PPP1R1C: variants seen among roughly 807,000 people sequenced by gnomAD.
PPP1R1C encodes protein phosphatase 1 regulatory subunit 1C.
In PPP1R1C, 15 loss-of-function variants were observed where a neutral mutation model predicts 17.4. That is an observed-to-expected ratio of 0.86 (90% CI 0.58 to 1.33). The LOEUF (loss-of-function observed/expected upper bound fraction) is 1.33. Among genes scored for constraint, PPP1R1C ranks in the 40% most tolerant of loss-of-function variants. PPP1R1C has a pLI of 0.00. For missense variants in PPP1R1C, 143 were observed against 130.0 expected (o/e 1.10, Z -0.48); for synonymous variants, 35 against 43.1 (o/e 0.81, Z 0.73).
intron 1 of PPP1R1C, among the ~76,000 whole-genome samples, chr2:181,959,909 A>G (rs562052735): frequency 4.6e-5 from 7 of 152,178 alleles, no homozygotes; most frequent in Non-Finnish European, 1.0e-4. Context: ...GGTAGTAGCC[A>G]TGCTGCAAAA....
upstream of PPP1R1C, among the ~76,000 whole-genome samples, chr2:181,982,501 G>A (rs903439785): frequency 6.6e-5 from 10 of 151,962 alleles, no homozygotes; most frequent in Non-Finnish European, 1.0e-4. Flanking sequence ...TAGGAGAAGA[G>A]GCAAAAGAAA....
At chr2:182,103,108 G>A (rs1025311602) in intron 4 of PPP1R1C, among the ~76,000 whole-genome samples, 11 of 152,126 alleles carry the variant, frequency 7.2e-5, no homozygotes, top group East Asian at 1.9e-4. Flanking sequence ...CGGCCAAGCC[G>A]TGATCTTAAA....
intron 2 of PPP1R1C, among the ~76,000 whole-genome samples, chr2:182,044,642 CTTAT>C (rs1687288057): frequency 6.6e-6 from 1 of 152,194 alleles, no homozygotes; most frequent in African/African-American, 2.4e-5. Flanking sequence ...TGTTGCAGCA[CTTAT>C]TTATCATACT....
At chr2:181,972,140 T>C (rs1685021534) in intron 1 of PPP1R1C, among the ~76,000 whole-genome samples, 1 of 152,232 alleles carries the variant, frequency 6.6e-6, no homozygotes, top group African/African-American at 2.4e-5. Context: ...TTTATTTGGC[T>C]ATCATTCTCT....
At chr2:181,993,599 G>A (rs1318644088) in intron 2 of PPP1R1C, among the ~76,000 whole-genome samples, 3 of 152,146 alleles carry the variant, frequency 2.0e-5, no homozygotes, top group Non-Finnish European at 4.4e-5. Flanking sequence ...GATCATTGAA[G>A]TGTTAGCTAG....
chr2:182,021,057 G>A (rs1167092540), intron 2 of PPP1R1C, among the ~76,000 whole-genome samples: 16 of 152,044 alleles, frequency 1.1e-4, no homozygotes, highest in Admixed American at 1.0e-3. Flanking sequence ...AATACCCTGG[G>A]TGACTTCTCT....
intron 2 of PPP1R1C, among the ~76,000 whole-genome samples, chr2:182,002,509 G>C (rs1304090151): frequency 6.6e-6 from 1 of 151,804 alleles, no homozygotes. Flanking sequence ...GAAGTTATTG[G>C]ATTTATATTT....
chr2:182,108,218 A>G (rs1689312424), intron 4 of PPP1R1C, among the ~76,000 whole-genome samples: 1 of 152,146 alleles, frequency 6.6e-6, no homozygotes, highest in African/African-American at 2.4e-5. Flanking sequence ...ATATACCTCA[A>G]TAAAATAGGA....
upstream of PPP1R1C, among the ~76,000 whole-genome samples, chr2:181,981,575 T>C (rs552136220): frequency 1.3e-5 from 2 of 152,322 alleles, no homozygotes; most frequent in South Asian, 2.1e-4. Flanking sequence ...CCACATTTTA[T>C]AGATAGGCCT....
chr2:181,956,284 T>C (rs957173949), intron 1 of PPP1R1C, among the ~76,000 whole-genome samples: 15 of 152,358 alleles, frequency 9.8e-5, no homozygotes, highest in Non-Finnish European at 2.2e-4. Flanking sequence ...ACATTTTCTT[T>C]ATCCAGTCTA....
At chr2:182,104,451 A>G (rs1444467750) in intron 4 of PPP1R1C, among the ~76,000 whole-genome samples, 1 of 152,174 alleles carries the variant, frequency 6.6e-6, no homozygotes, top group Non-Finnish European at 1.5e-5. Flanking sequence ...TATTGAGGTG[A>G]TCATATGGTT....
In PPP1R1C at chr2:182,002,945, C is replaced by A. The variant is rs374923258; in HGVS notation, c.142+15046C>A. On this transcript the variant is annotated intron_variant, in intron 2 of 4. Transcript: ENST00000682840. ...GCCATAAACCTCCCCCCCCCCACAA[C>A]CCTGAAATCCCCCAGAACTGTCATC... Among the ~76,000 whole-genome samples the A allele has an allele frequency of 9.6e-4, 118 of 123,442 alleles. 1 individual carries two copies. The highest frequency in any genetic ancestry group is 3.3e-3 in the African/African-American group (118 of 35,236). 81.0% of individuals were successfully genotyped at this position (123,442 alleles called of 152,430 possible).
At chr2:182,024,243 G>T (rs1013870963) in intron 2 of PPP1R1C, among the ~76,000 whole-genome samples, 18 of 152,200 alleles carry the variant, frequency 1.2e-4, no homozygotes, top group Non-Finnish European at 2.4e-4. Flanking sequence ...AACAGTATTT[G>T]TGAGTGTATA....
At chr2:182,033,450 A>T (rs1231261450) in intron 2 of PPP1R1C, among the ~76,000 whole-genome samples, 2 of 152,224 alleles carry the variant, frequency 1.3e-5, no homozygotes, top group African/African-American at 4.8e-5. Context: ...TCAATTTAAC[A>T]TGTCTAAAAG....
rs1158833292 is a variant in PPP1R1C, at chr2:182,061,463, C to T, written c.164C>T (p.Pro55Leu). The T allele has an allele frequency of 3.4e-6, 5 of 1,468,042 alleles. No homozygotes were observed. Among genetic ancestry groups the T allele is most frequent in the Non-Finnish European group, 4.5e-6 (5 of 1,110,890 alleles). The allele number at this position is 1,468,042 out of a possible 1,614,324, so 90.9% of individuals were successfully genotyped here. A position where few individuals can be genotyped will look rare whatever the true frequency, so the allele number is the denominator to read the frequency against. ...NPPEIDDKRG[P>L]NTQGELQNAS... The stretch of plus-strand genomic sequence containing the variant: ...ACAGAAATAGATGACAAGAGGGGGC[C>T]CAACACACAAGGGGAAGTAAGTTTT... Residue 55 changes from proline (P) to leucine (L), a missense_variant, in exon 3 of 5, where the codon CCC (proline) becomes CTC (leucine). Physicochemically the swap from Pro to Leu is moderately conservative, Grantham distance 98. Coordinates refer to ENST00000682840, the MANE Select transcript of PPP1R1C (RefSeq NM_001080545.3).
Position 181,957,350 on chromosome 2 carries a change from C to G in PPP1R1C, n.111+2716C>G, listed in dbSNP as rs1166315139. Among the ~76,000 whole-genome samples, 2 of 152,098 alleles carry G rather than the reference C, an allele frequency of 1.3e-5. No homozygotes were observed. The highest frequency in any genetic ancestry group is 2.9e-5 in the Non-Finnish European group (2 of 68,020). ...TCAACCTGGGCGACAGAGTGAGACT[C>G]TGTCTTAAAAAGAGAAGAAAAAAAT... On this transcript the variant is annotated intron_variant and non_coding_transcript_variant, in intron 1 of 5. Coordinates refer to the PPP1R1C transcript ENST00000464264. The surrounding 1 kb of genome is among the most constrained non-coding windows in gnomAD (Gnocchi z 4.2).
chr2:181,985,895 G>A lies in PPP1R1C; in HGVS notation c.-216G>A, dbSNP rs1685282507. 1.7e-6 allele frequency: 1 copy of A among 596,692 alleles called. No homozygotes were observed. Among genetic ancestry groups the A allele is most frequent in the South Asian group, 2.0e-5 (1 of 50,070 alleles). 37.0% of individuals were successfully genotyped at this position (596,692 alleles called of 1,614,324 possible). ...TGTGCTGAGAGGATCCAAGGGATTG[G>A]TGGGGGAACAGGCAAGCCAGGCATC... On this transcript the variant is annotated 5_prime_UTR_variant, in exon 1 of 5. In the 5' UTR this introduces an upstream ATG that the reference lacks. Coordinates refer to ENST00000682840, the MANE Select transcript of PPP1R1C (RefSeq NM_001080545.3). This position sits in a 1 kb window ranked among gnomAD's most constrained non-coding sequence, Gnocchi z 4.1.
intron 2 of PPP1R1C, among the ~76,000 whole-genome samples, chr2:182,004,364 G>A (rs1466790478): frequency 1.3e-5 from 2 of 152,164 alleles, no homozygotes; most frequent in Non-Finnish European, 2.9e-5. Context: ...GTAATGTGCT[G>A]AGTTGAGGAT....
intron 2 of PPP1R1C, among the ~76,000 whole-genome samples, chr2:182,000,741 C>T (rs188216227): frequency 5.3e-5 from 8 of 152,224 alleles, no homozygotes; most frequent in African/African-American, 1.9e-4. Flanking sequence ...GCTTGGTGGG[C>T]TTAATCAGGT....
Sources: gnomAD v4.1 joint callset for allele counts (sites outside exome capture counted in the v4.1 genomes callset) on GRCh38, gnomAD v4.1.1 for gene constraint, Gnocchi (gnomAD v3.1) non-coding constraint, MANE v1.5 for transcripts, NCBI Gene and HGNC (gene_info 2026-07-23, HGNC 2026-07-21) for gene names.